KIAA1217: variants seen among roughly 807,000 people sequenced by gnomAD.
The protein encoded by KIAA1217 is KIAA1217.
In KIAA1217, 88 loss-of-function variants were observed where a neutral mutation model predicts 163.9. The observed-to-expected ratio is 0.54, with a 90% CI of 0.45 to 0.64. KIAA1217 has a LOEUF of 0.64. KIAA1217 is among the 30% of genes least tolerant of loss of function. The pLI is 0.00. For missense variants in KIAA1217, 2,372 were observed against 2,475.0 expected (o/e 0.96, Z 0.88); for synonymous variants, 903 against 923.1 (o/e 0.98, Z 0.39).
At chr10:24,332,775 AG>A (rs1025589002) in intron 2 of KIAA1217, among the ~76,000 whole-genome samples, 2 of 152,180 alleles carry the variant, frequency 1.3e-5, no homozygotes, top group Non-Finnish European at 2.9e-5. Flanking sequence ...CTGGGTAAAG[AG>A]GGTCATATTA....
At chr10:23,827,093 T>C (rs932918706) in intron 1 of KIAA1217, among the ~76,000 whole-genome samples, 4 of 152,202 alleles carry the variant, frequency 2.6e-5, no homozygotes, top group African/African-American at 9.6e-5. Flanking sequence ...AGTAACTTTA[T>C]AGGACAGGTG....
chr10:23,967,022 A>G (rs1339083295), intron 1 of KIAA1217, among the ~76,000 whole-genome samples: 1 of 123,918 alleles, frequency 8.1e-6, no homozygotes, highest in Non-Finnish European at 1.6e-5. Context: ...ATTTTATACA[A>G]TCAGTATTAA....
At chr10:23,832,896 T>C (rs955682023) in intron 1 of KIAA1217, among the ~76,000 whole-genome samples, 32 of 152,162 alleles carry the variant, frequency 2.1e-4, no homozygotes, top group African/African-American at 7.5e-4. Flanking sequence ...AGAAGAGAGC[T>C]TGTGCAGGAA....
intron 1 of KIAA1217, among the ~76,000 whole-genome samples, chr10:23,728,621 T>C (rs936349126): frequency 6.6e-6 from 1 of 152,202 alleles, no homozygotes; most frequent in Non-Finnish European, 1.5e-5. Context: ...TCCTGTTCAC[T>C]CCGATGATAG....
intron 2 of KIAA1217, among the ~76,000 whole-genome samples, chr10:24,086,321 A>G (rs1589439252): frequency 6.6e-6 from 1 of 152,380 alleles, no homozygotes; most frequent in East Asian, 1.9e-4. Flanking sequence ...AAACTGGAGT[A>G]GCCACCCTCA....
At chr10:23,817,843 A>G (rs1837379560) in intron 1 of KIAA1217, among the ~76,000 whole-genome samples, 1 of 150,764 alleles carries the variant, frequency 6.6e-6, no homozygotes, top group African/African-American at 2.4e-5. Flanking sequence ...TAATCCCAAC[A>G]TTTTGGCAGG....
At chr10:24,127,971 A>C (rs1669454939) in intron 2 of KIAA1217, among the ~76,000 whole-genome samples, 2 of 152,198 alleles carry the variant, frequency 1.3e-5, no homozygotes, top group African/African-American at 4.8e-5. Flanking sequence ...AAAAAGAACA[A>C]TATTGCAAAT....
chr10:24,391,406 T>C (rs12262270), intron 3 of KIAA1217, among the ~76,000 whole-genome samples: 74,923 of 144,518 alleles, frequency 0.52, 21,765 homozygotes, highest in African/African-American at 0.8. Context: ...AGTGCAGTGG[T>C]GTGATCTCAA....
Position 24,494,440 on chromosome 10 carries a change from C to T in KIAA1217, c.1680-60C>T. 3 of 1,417,496 alleles carry T rather than the reference C, an allele frequency of 2.1e-6. No individual in the cohort carries two copies. The South Asian group carries it at 3.5e-5, about 16-fold the overall frequency. 87.8% of individuals were successfully genotyped at this position (1,417,496 alleles called of 1,614,324 possible). A position where few individuals can be genotyped will look rare whatever the true frequency, so the allele number is the denominator to read the frequency against. On this transcript the variant is annotated intron_variant, in intron 6 of 20. Transcript: ENST00000376454. ...TTATAACCCTCAGGTGGTGCATTCA[C>T]CCGGACAAACTGGTTTGAAAGTCCA... is the stretch of plus-strand genomic sequence containing the variant.
intron 1 of KIAA1217, among the ~76,000 whole-genome samples, chr10:24,004,602 C>T (rs1002754662): frequency 2.0e-5 from 3 of 152,182 alleles, no homozygotes; most frequent in Non-Finnish European, 4.4e-5. Flanking sequence ...ATTATTATTG[C>T]TAATTACTTC....
At chr10:24,166,642 G>T (rs1441381372) in intron 2 of KIAA1217, among the ~76,000 whole-genome samples, 1 of 152,114 alleles carries the variant, frequency 6.6e-6, no homozygotes, top group Non-Finnish European at 1.5e-5. Flanking sequence ...GGAGGCTGAG[G>T]CACAAGAATC....
At chr10:23,769,247 G>A (rs897570062) in intron 1 of KIAA1217, among the ~76,000 whole-genome samples, 1 of 152,160 alleles carries the variant, frequency 6.6e-6, no homozygotes, top group Non-Finnish European at 1.5e-5. Flanking sequence ...CTTGAAATGA[G>A]GCAGTTCTTG....
chr10:24,513,212 T>C, intron 9 of KIAA1217, 47 bp from the exon 10 acceptor site: 1 of 1,596,288 alleles, frequency 6.3e-7, no homozygotes, highest in Non-Finnish European at 8.6e-7. Flanking sequence ...CTCGCCTCCA[T>C]TTCAGGCAGG....
At chr10:24,445,170 G>T (rs774738747) in intron 5 of KIAA1217, among the ~76,000 whole-genome samples, 2 of 152,064 alleles carry the variant, frequency 1.3e-5, no homozygotes, top group Non-Finnish European at 2.9e-5. Context: ...GTTTTCACAG[G>T]TGATAAAACT....
intron 1 of KIAA1217, among the ~76,000 whole-genome samples, chr10:23,741,420 G>T (rs550882108): frequency 6.6e-6 from 1 of 151,970 alleles, no homozygotes; most frequent in East Asian, 1.9e-4. Flanking sequence ...TTTGAAATTG[G>T]CTATTTGCAA....
At chr10:24,522,004 C>T (rs769470256) in intron 12 of KIAA1217, 75 bp downstream of exon 12, 29 of 1,509,886 alleles carry the variant, frequency 1.9e-5, no homozygotes, top group Non-Finnish European at 2.5e-5. Context: ...ACGTTTGGGA[C>T]TTCAGCCTTC....
intron 2 of KIAA1217, among the ~76,000 whole-genome samples, chr10:24,330,836 A>C (rs544726946): frequency 6.6e-6 from 1 of 151,188 alleles, no homozygotes; most frequent in East Asian, 1.9e-4. Context: ...CTGTTCTTGA[A>C]CTCTTGGGCT....
chr10:24,019,158 T>G (rs529256949), intron 2 of KIAA1217, among the ~76,000 whole-genome samples: 1 of 152,202 alleles, frequency 6.6e-6, no homozygotes. Flanking sequence ...TGATAATGTG[T>G]GTAGTATACT....
chr10:24,460,242 T>A (rs1238898604), intron 5 of KIAA1217, among the ~76,000 whole-genome samples: 1 of 152,216 alleles, frequency 6.6e-6, no homozygotes, highest in Non-Finnish European at 1.5e-5. Flanking sequence ...GTACAAAATT[T>A]TCATTCATAA....
Sources: gnomAD v4.1 joint callset for allele counts (sites outside exome capture counted in the v4.1 genomes callset) on GRCh38, gnomAD v4.1.1 for gene constraint, MANE v1.5 for transcripts, NCBI Gene and HGNC (gene_info 2026-07-23, HGNC 2026-07-21) for gene names.